CRACR2A: variants seen among roughly 807,000 people sequenced by gnomAD.
The protein encoded by CRACR2A is calcium release activated channel regulator 2A, also known as EF-hand calcium-binding domain-containing protein 4B.
Under a neutral mutation model 90.5 loss-of-function variants are expected in CRACR2A, and 79 were observed. The ratio of observed to expected loss-of-function variants is 0.87; its 90% confidence interval spans 0.73 to 1.05. The LOEUF (loss-of-function observed/expected upper bound fraction) is 1.05. Among genes scored for constraint, CRACR2A ranks in the 50% least tolerant of loss-of-function variants. CRACR2A has a pLI of 0.00. For synonymous variants in CRACR2A, 338 were observed against 356.7 expected, an observed-to-expected ratio of 0.95 and a Z score of 0.59; for missense variants, 823 against 897.2, an observed-to-expected ratio of 0.92 and a Z score of 1.06.
intron 8 of CRACR2A, 146 bp from the exon 9 acceptor site, chr12:3,656,552 G>T: frequency 1.4e-6 from 1 of 696,038 alleles, no homozygotes; most frequent in Non-Finnish European, 2.5e-6. Flanking sequence ...CAGGGCTCTG[G>T]TAACCTGCCT....
At chr12:3,741,627 A>G (rs1946526101) in intron 1 of CRACR2A, among the ~76,000 whole-genome samples, 1 of 151,068 alleles carries the variant, frequency 6.6e-6, no homozygotes, top group African/African-American at 2.4e-5. Flanking sequence ...GAAGCTGAAC[A>G]TAAAACACGC....
chr12:3,655,352 G>A (rs566047549), intron 9 of CRACR2A, among the ~76,000 whole-genome samples: 13 of 152,324 alleles, frequency 8.5e-5, no homozygotes, highest in African/African-American at 1.7e-4. Flanking sequence ...GGCAGTTCCC[G>A]GAGTAGAAAT....
chr12:3,630,333 C>T (rs1565464368), intron 15 of CRACR2A, among the ~76,000 whole-genome samples: 1 of 152,132 alleles, frequency 6.6e-6, no homozygotes, highest in Non-Finnish European at 1.5e-5. Flanking sequence ...GTGACCTTAA[C>T]CTTTCTCGAG....
chr12:3,700,274 T>G (rs1945815178), intron 3 of CRACR2A, among the ~76,000 whole-genome samples: 1 of 152,208 alleles, frequency 6.6e-6, no homozygotes, highest in Non-Finnish European at 1.5e-5. Context: ...CCTTAAATTT[T>G]TTTTGTCATA....
intron 12 of CRACR2A, 116 bp downstream of exon 12, chr12:3,644,479 C>T: frequency 8.9e-7 from 1 of 1,118,098 alleles, no homozygotes; most frequent in East Asian, 2.6e-5. Context: ...TGCCGTCATC[C>T]TGCCAAATAG....
chr12:3,644,189 T>C (rs1455879983), intron 12 of CRACR2A, among the ~76,000 whole-genome samples: 2 of 151,356 alleles, frequency 1.3e-5, no homozygotes, highest in East Asian at 3.9e-4. Context: ...AATACACATT[T>C]CTAATGTGGT....
rs1236685875 is a variant in CRACR2A, at chr12:3,666,335, G to GTGTGTGTT, written c.672-6682_672-6681insAACACACA. 3.7e-3 allele frequency among the ~76,000 whole-genome samples: 499 copies of GTGTGTGTT among 134,106 alleles called. 2 individuals carry two copies. The highest frequency in any genetic ancestry group is 0.012 in the African/African-American group (418 of 34,448). The allele number at this position is 134,106 out of a possible 152,430, so 88.0% of individuals were successfully genotyped here. A position where few individuals can be genotyped will look rare whatever the true frequency, so the allele number is the denominator to read the frequency against. ...CCCTCCCTAAAGGACGGCTGCGTGT[G>GTGTGTGTT]TGTGTGTGTGTGTGTGTGTGCGTGC... On this transcript the variant is annotated intron_variant, in intron 7 of 19. Transcript: ENST00000440314.
At chr12:3,635,834 G>A (rs2137342721) in intron 14 of CRACR2A, among the ~76,000 whole-genome samples, 1 of 151,990 alleles carries the variant, frequency 6.6e-6, no homozygotes, top group South Asian at 2.1e-4. Context: ...CCAAAGTGCT[G>A]GGATTACCAC....
At position 3,746,683 on chromosome 12, in the gene CRACR2A, T is replaced by C. The variant is rs1012416933; in HGVS notation, c.-387+6332A>G. ...CCCTCTCTTCTTAGACCAGACCCCC[T>C]GCAGGACCCTTTGCTGGCACAGCAG... On this transcript the variant is annotated intron_variant, in intron 1 of 19. Coordinates refer to ENST00000440314, the MANE Select transcript of CRACR2A (RefSeq NM_001144958.2). The surrounding 1 kb of genome is among the most constrained non-coding windows in gnomAD (Gnocchi z 4.4). 8.5e-5 allele frequency among the ~76,000 whole-genome samples: 13 copies of C among 152,358 alleles called. No individual in the cohort carries two copies. The highest frequency in any genetic ancestry group is 1.8e-4 in the Non-Finnish European group (12 of 68,020).
At chr12:3,745,950 T>G (rs1038939880) in intron 1 of CRACR2A, among the ~76,000 whole-genome samples, 1 of 151,858 alleles carries the variant, frequency 6.6e-6, no homozygotes, top group Admixed American at 6.6e-5. Context: ...GTCTCTCATC[T>G]CCCTCCCGCT....
chr12:3,742,342 C>T (rs1158865783), intron 1 of CRACR2A, among the ~76,000 whole-genome samples: 4 of 152,192 alleles, frequency 2.6e-5, no homozygotes, highest in Admixed American at 1.3e-4. Context: ...CTCTCTGGCA[C>T]CTTCTACAGG....
At chr12:3,714,418 C>T (rs1053663956) in intron 2 of CRACR2A, among the ~76,000 whole-genome samples, 9 of 152,186 alleles carry the variant, frequency 5.9e-5, no homozygotes, top group African/African-American at 2.2e-4. Flanking sequence ...ACTGGCATTG[C>T]TACCAGGATG....
intron 8 of CRACR2A, among the ~76,000 whole-genome samples, chr12:3,658,142 A>T (rs944795701): frequency 1.3e-5 from 2 of 152,210 alleles, no homozygotes; most frequent in Admixed American, 1.3e-4. Flanking sequence ...GCAGAAGGGG[A>T]GAGGGAGGCT....
In CRACR2A at chr12:3,714,729, A is replaced by G. The variant is rs550545708; in HGVS notation, c.-117-1412T>C. ...GAGAAAAATATTTTTTAATGAGAAG[A>G]TTGGCCTACCTACATTAAATTAATA... On this transcript the variant is annotated intron_variant, in intron 2 of 19. Coordinates refer to ENST00000440314, the MANE Select transcript of CRACR2A (RefSeq NM_001144958.2). Among the ~76,000 whole-genome samples the G allele has an allele frequency of 8.5e-5, 13 of 152,362 alleles. No homozygotes were observed. The East Asian group carries it at 2.5e-3, about 29-fold the overall frequency.
chr12:3,627,502 G>A lies in CRACR2A; in HGVS notation c.1866C>T (p.Ile622=), dbSNP rs151337991. Residue 622 remains isoleucine (I), a synonymous_variant, in exon 17 of 20, where the codon ATC becomes ATT. Transcript: ENST00000440314. ...QQFFRKADGV[I]VMYDLTDKQS... ...GCTTGTCTGTGAGATCGTACATGAC[G>A]ATGACACCATCTGCCTTTCTGAAGA... is the stretch of plus-strand genomic sequence containing the variant. 79 of 1,551,824 alleles carry A rather than the reference G, an allele frequency of 5.1e-5. No homozygotes were observed. The highest frequency in any genetic ancestry group is 3.7e-4 in the South Asian group (31 of 84,060).
intron 1 of CRACR2A, among the ~76,000 whole-genome samples, chr12:3,745,178 G>A (rs1430179287): frequency 3.9e-5 from 6 of 152,084 alleles, no homozygotes; most frequent in African/African-American, 1.2e-4. Flanking sequence ...TATCCGGGGT[G>A]TCTGTTCAAT....
intron 4 of CRACR2A, among the ~76,000 whole-genome samples, chr12:3,690,721 T>C (rs182013046): frequency 6.6e-6 from 1 of 152,286 alleles, no homozygotes; most frequent in East Asian, 1.9e-4. Context: ...CCTTGTTAAT[T>C]TTCTGCCTCA....
At chr12:3,665,269 T>C (rs1177039434) in intron 7 of CRACR2A, among the ~76,000 whole-genome samples, 1 of 152,186 alleles carries the variant, frequency 6.6e-6, no homozygotes, top group African/African-American at 2.4e-5. Flanking sequence ...CCATGATAGC[T>C]GGGTAGTTCT....
chr12:3,681,307 C>A (rs765141251), intron 4 of CRACR2A, among the ~76,000 whole-genome samples: 3 of 152,142 alleles, frequency 2.0e-5, no homozygotes, highest in African/African-American at 7.2e-5. Context: ...GGTATCAAGG[C>A]CCCAAGAGTA....
Sources: allele counts gnomAD v4.1 joint callset (sites outside exome capture counted in the v4.1 genomes callset), GRCh38; gene constraint gnomAD v4.1.1; non-coding constraint Gnocchi (gnomAD v3.1); transcripts MANE v1.5; gene names NCBI Gene and HGNC (gene_info 2026-07-23, HGNC 2026-07-21).